PHF7: variants seen among roughly 807,000 people sequenced by gnomAD.
PHF7 encodes the protein E3 ubiquitin-protein ligase PHF7.
A neutral mutation model predicts 47.5 loss-of-function variants in PHF7; 24 were observed. That is an observed-to-expected ratio of 0.51 (90% CI 0.37 to 0.71). PHF7 has a LOEUF of 0.71. PHF7 is among the 30% of genes least tolerant of loss of function. The pLI, the probability that PHF7 is intolerant of heterozygous loss-of-function variation, is 0.00. For missense variants in PHF7, 361 were observed against 456.8 expected (o/e 0.79, Z 1.91); for synonymous variants, 156 against 153.8 (o/e 1.01, Z -0.11).
Position 52,422,250 on chromosome 3 carries a change from G to A in PHF7, c.709G>A (p.Ala237Thr). 1 of 1,613,766 alleles carries A rather than the reference G, an allele frequency of 6.2e-7. No individual in the cohort carries two copies. Among genetic ancestry groups the A allele is most frequent in the Non-Finnish European group, 8.5e-7 (1 of 1,179,638 alleles). ...RDAAWELEPG[A>T]FSDLYQRYQH... is the part of the protein sequence containing the mutation. ...TGCTGCCTGGGAACTCGAGCCAGGGGCTTTCTCAGACTTATATCAGCGCTA... is the reference window on the plus strand; with the variant it reads ...TGCTGCCTGGGAACTCGAGCCAGGGACTTTCTCAGACTTATATCAGCGCTA... The change falls in exon 9 of 11, where the codon GCT becomes ACT. Residue 237 changes from alanine (A) to threonine (T), a missense_variant. By Grantham distance (58) the Ala-to-Thr change is moderately conservative. Coordinates refer to ENST00000327906, the MANE Select transcript of PHF7 (RefSeq NM_016483.7).
intron 2 of PHF7, among the ~76,000 whole-genome samples, chr3:52,413,337 T>C (rs1188077994): frequency 6.6e-6 from 1 of 152,196 alleles, no homozygotes; most frequent in Non-Finnish European, 1.5e-5. Flanking sequence ...TTATCAATTT[T>C]GGTTCATTTC....
At chr3:52,422,396 C>T in intron 9 of PHF7, 58 bp downstream of exon 9, 1 of 1,075,260 alleles carries the variant, frequency 9.3e-7, no homozygotes, top group Non-Finnish European at 1.5e-6. Context: ...AGAGTTAGAC[C>T]TTGGCACAGT....
chr3:52,421,771 A>G lies in PHF7; in HGVS notation c.680+17A>G, dbSNP rs769112847. The G allele has an allele frequency of 8.9e-6, 12 of 1,352,888 alleles. No homozygotes were observed. The Admixed American group carries it at 2.0e-4, about 23-fold the overall frequency. The allele number at this position is 1,352,888 out of a possible 1,614,324, so 83.8% of individuals were successfully genotyped here. ...TCCAGACAGGTAGTGGGAACCCCAA[A>G]GCAGGAACTGAGCCAGGGAGTGGGT... On this transcript the variant is annotated intron_variant, in intron 8 of 10. Transcript: ENST00000327906.
At chr3:52,416,543 A>G (rs1705631670) in intron 4 of PHF7, among the ~76,000 whole-genome samples, 3 of 150,672 alleles carry the variant, frequency 2.0e-5, no homozygotes, top group African/African-American at 7.3e-5. Flanking sequence ...ATTTAAAAAC[A>G]CTGAGTGGTG....
chr3:52,422,665 T>C (rs762099273), intron 9 of PHF7, 95 bp from the exon 10 acceptor site: 3 of 1,301,114 alleles, frequency 2.3e-6, no homozygotes, highest in Non-Finnish European at 3.3e-6. Flanking sequence ...TTGGGTAAAA[T>C]GTGCTGTAAA....
In PHF7 at chr3:52,422,856, G is replaced by A. The variant is rs1182220299; in HGVS notation, c.894G>A (p.Glu298=). The change falls in exon 10 of 11, where the codon GAG becomes GAA. Residue 298 remains glutamate (E), a synonymous_variant. Transcript: ENST00000327906. ...CTAACAGTAAGAAATGGGAGTGTGA[G>A]GAGTGTTCACCTGCTGCAGCCACAG... ...LRSNSKKWEC[E]ECSPAAATDY... 2 of 1,614,170 alleles carry A rather than the reference G, an allele frequency of 1.2e-6. No homozygotes were observed. Among genetic ancestry groups the A allele is most frequent in the African/African-American group, 1.3e-5 (1 of 75,028 alleles).
rs775716485 is a variant in PHF7 at position 52,423,114 on chromosome 3, G to A, written c.943G>A (p.Asp315Asn). 6.2e-7 allele frequency: 1 copy of A among 1,613,234 alleles called. No individual in the cohort carries two copies. Among genetic ancestry groups the A allele is most frequent in the South Asian group, 1.1e-5 (1 of 91,068 alleles). The change falls in exon 11 of 11, where the codon GAC becomes AAC. Residue 315 changes from aspartate (D) to asparagine (N), a missense_variant. By Grantham distance (23) the Asp-to-Asn change is conservative. Coordinates refer to ENST00000327906, the MANE Select transcript of PHF7 (RefSeq NM_016483.7). ...AGACTACATACCTGAAAACTCAGGGGACATCCCTTGCTGCAGCAGCACCTT... is the reference window on the plus strand; with the variant it reads ...AGACTACATACCTGAAAACTCAGGGAACATCCCTTGCTGCAGCAGCACCTT... ...ATDYIPENSG[D>N]IPCCSSTFHP...
chr3:52,420,529 T>C, intron 6 of PHF7, 94 bp downstream of exon 6: 4 of 1,240,024 alleles, frequency 3.2e-6, no homozygotes, highest in Non-Finnish European at 4.7e-6. Flanking sequence ...AGCAGGCCTG[T>C]TTTGATTCAC....
intron 6 of PHF7, among the ~76,000 whole-genome samples, 181 bp from the exon 7 acceptor site, chr3:52,420,722 T>G (rs1028278547): frequency 3.3e-5 from 5 of 152,166 alleles, no homozygotes; most frequent in Admixed American, 6.5e-5. Context: ...CTGGGAACTT[T>G]GCTCAGTAGG....
chr3:52,412,841 T>C lies in PHF7; in HGVS notation c.-39T>C. The C allele has an allele frequency of 6.6e-6, 10 of 1,514,090 alleles. No individual in the cohort carries two copies. The highest frequency in any genetic ancestry group is 9.2e-6 in the Non-Finnish European group (10 of 1,091,316). 93.8% of individuals were successfully genotyped at this position (1,514,090 alleles called of 1,614,324 possible). ...AGAGCCTGTATTGTCCTCACAATAG[T>C]ATAGAAGAATTCAAGAGAGGAGAGA... On this transcript the variant is annotated 5_prime_UTR_variant, in exon 2 of 11. Coordinates refer to ENST00000327906, the MANE Select transcript of PHF7 (RefSeq NM_016483.7).
At position 52,422,345 on chromosome 3, in the gene PHF7, G is replaced by A. The variant is rs780171304; in HGVS notation, c.797+7G>A. The A allele has an allele frequency of 7.1e-6, 11 of 1,552,070 alleles. No homozygotes were observed. The East Asian group carries it at 2.2e-4, about 32-fold the overall frequency. On this transcript the variant is annotated splice_region_variant and intron_variant, in intron 9 of 10. Transcript: ENST00000327906. ...ACAGCTTTGAGGATGAAGGGTAGGGGAAGGCTTCTGGCTAGAAAGAGCTCT... is the reference window on the plus strand; with the variant it reads ...ACAGCTTTGAGGATGAAGGGTAGGGAAAGGCTTCTGGCTAGAAAGAGCTCT...
intron 4 of PHF7, 200 bp downstream of exon 4, chr3:52,414,787 T>A (rs1303799817): frequency 4.2e-6 from 1 of 239,946 alleles, no homozygotes; most frequent in East Asian, 9.2e-5. Flanking sequence ...GGCAGGAGGA[T>A]CTCTTGAACC....
In PHF7 at chr3:52,418,839, G is replaced by GCT. The variant is rs1216855117; in HGVS notation, c.187-991_187-990dup. 2.7e-5 allele frequency among the ~76,000 whole-genome samples: 4 copies of GCT among 146,480 alleles called. No homozygotes were observed. In the Admixed American group the frequency reaches 2.7e-4, roughly 10 times the overall value. On this transcript the variant is annotated intron_variant, in intron 4 of 10. Coordinates refer to ENST00000327906, the MANE Select transcript of PHF7 (RefSeq NM_016483.7). ...TTTTTTTTTTTTGAGACGGAGTCTTGCTCTGTCGCCCAGGCTAGAGTGCAG... is the reference window on the plus strand; with the variant it reads ...TTTTTTTTTTTTGAGACGGAGTCTTGCTCTCTGTCGCCCAGGCTAGAGTGCAG...
At chr3:52,414,648 CTG>C (rs1705566292) in intron 4 of PHF7, 61 bp downstream of exon 4, 1 of 888,730 alleles carries the variant, frequency 1.1e-6, no homozygotes, top group African/African-American at 1.7e-5. Context: ...TGACTGTTCT[CTG>C]TTACATTCAT....
chr3:52,419,584 C>G (rs1705724724), intron 4 of PHF7, among the ~76,000 whole-genome samples: 1 of 152,104 alleles, frequency 6.6e-6, no homozygotes, highest in South Asian at 2.1e-4. Flanking sequence ...GTGCGTGCCA[C>G]CACACCCGGC....
rs1194718206 is a variant in PHF7 at position 52,412,911 on chromosome 3, A to G, written c.32A>G (p.Gln11Arg). 1.2e-6 allele frequency: 2 copies of G among 1,609,536 alleles called. No homozygotes were observed. The highest frequency in any genetic ancestry group is 1.3e-5 in the African/African-American group (1 of 74,976). MKTVKEKKECQRLRKSAKTRR... is the reference protein window; with the variant it reads MKTVKEKKECRRLRKSAKTRR... ...ACTGTAAAAGAAAAGAAGGAATGCC[A>G]GAGATTGAGGTAGAAGTAGTTGACA... Residue 11 changes from glutamine to arginine, a missense_variant, in exon 2 of 11, where the codon CAG becomes CGG. Gln to Arg is a conservative substitution (Grantham distance 43, BLOSUM62 1). Transcript: ENST00000327906.
At chr3:52,413,025 A>G in intron 2 of PHF7, 105 bp downstream of exon 2, 1 of 845,618 alleles carries the variant, frequency 1.2e-6, no homozygotes, top group Admixed American at 1.8e-5. Context: ...TTGAGGTTGG[A>G]CAGTGTGGAA....
intron 4 of PHF7, among the ~76,000 whole-genome samples, chr3:52,417,228 C>T (rs1234703490): frequency 6.6e-6 from 1 of 152,076 alleles, no homozygotes; most frequent in East Asian, 1.9e-4. Context: ...TATTGAAATT[C>T]AGTATTGTTA....
intron 4 of PHF7, 90 bp downstream of exon 4, chr3:52,414,677 T>A: frequency 1.4e-6 from 1 of 728,810 alleles, no homozygotes; most frequent in Non-Finnish European, 2.3e-6. Flanking sequence ...ATCCACAGCC[T>A]TGTTTTTTTA....
Sources: allele counts gnomAD v4.1 joint callset (sites outside exome capture counted in the v4.1 genomes callset), GRCh38; gene constraint gnomAD v4.1.1; transcripts MANE v1.5; gene names NCBI Gene and HGNC (gene_info 2026-07-23, HGNC 2026-07-21).